The following VPS8 variants were observed in gnomAD, a reference collection of about 807,000 sequenced individuals.
VPS8 encodes the protein vacuolar protein sorting-associated protein 8 homolog.
A neutral mutation model predicts 216.4 loss-of-function variants in VPS8; 129 were observed. The observed-to-expected ratio is 0.60, with a 90% CI of 0.52 to 0.69. The LOEUF is 0.69. VPS8 is among the 30% of genes least tolerant of loss of function. VPS8 has a pLI of 0.00. For synonymous variants in VPS8, 571 were observed against 565.4 expected (o/e 1.01, Z -0.14); for missense variants, 1,531 against 1,683.5 (o/e 0.91, Z 1.59).
intron 22 of VPS8, among the ~76,000 whole-genome samples, chr3:184,889,752 C>G (rs1731996380): frequency 6.6e-6 from 1 of 152,100 alleles, no homozygotes; most frequent in African/African-American, 2.4e-5. Flanking sequence ...AACGCTCCCT[C>G]TTTTGTTCTA....
intron 1 of VPS8, chr3:184,824,274 A>C (rs941689052): frequency 5.1e-6 from 1 of 194,854 alleles, no homozygotes; most frequent in Non-Finnish European, 1.1e-5. Context: ...GGCTGAGCCT[A>C]TTAAGTTATC....
intron 7 of VPS8, among the ~76,000 whole-genome samples, chr3:184,842,568 A>G (rs112077925): frequency 0.016 from 2,415 of 152,304 alleles, 23 homozygotes; most frequent in Non-Finnish European, 0.024. Context: ...GTTTTATCAA[A>G]TGGATTAAAA....
chr3:184,907,957 A>G (rs1735787261), intron 25 of VPS8, among the ~76,000 whole-genome samples: 1 of 152,136 alleles, frequency 6.6e-6, no homozygotes, highest in Non-Finnish European at 1.5e-5. Flanking sequence ...CTTTATATGC[A>G]TACATCCTTT....
At chr3:184,878,123 T>G (rs1729600782) in intron 21 of VPS8, among the ~76,000 whole-genome samples, 1 of 152,162 alleles carries the variant, frequency 6.6e-6, no homozygotes. Context: ...ACCCTTTTTT[T>G]TTTTGAGATG....
intron 46 of VPS8, among the ~76,000 whole-genome samples, chr3:185,031,492 G>A (rs1380527969): frequency 1.3e-5 from 2 of 152,016 alleles, no homozygotes; most frequent in Non-Finnish European, 2.9e-5. Flanking sequence ...TTTTTGCATC[G>A]GCAGAGTTGA....
intron 24 of VPS8, among the ~76,000 whole-genome samples, chr3:184,900,203 T>C (rs1372006233): frequency 2.0e-5 from 3 of 152,214 alleles, no homozygotes; most frequent in Non-Finnish European, 4.4e-5. Context: ...AGGGAAAGGA[T>C]TGAAGGCTTT....
chr3:184,815,383 C>T (rs1416359605), intron 1 of VPS8, among the ~76,000 whole-genome samples: 1 of 152,198 alleles, frequency 6.6e-6, no homozygotes, highest in Non-Finnish European at 1.5e-5. Flanking sequence ...TTCATTACAA[C>T]AGCTGTGACA....
chr3:184,936,797 G>A (rs1163003567), intron 35 of VPS8, among the ~76,000 whole-genome samples: 1 of 151,454 alleles, frequency 6.6e-6, no homozygotes, highest in African/African-American at 2.4e-5. Flanking sequence ...GAGTGCAGTG[G>A]TGTGATCTCC....
At position 185,042,830 on chromosome 3, in the gene VPS8, C is replaced by CAGG. The variant is rs368416599; in HGVS notation, c.4057-5647_4057-5646insGAG. 7.5e-3 allele frequency among the ~76,000 whole-genome samples: 1,150 copies of CAGG among 152,318 alleles called. 15 individuals are homozygous for CAGG. The highest frequency in any genetic ancestry group is 0.026 in the African/African-American group (1,097 of 41,554). On this transcript the variant is annotated intron_variant, in intron 46 of 47. Coordinates refer to ENST00000625842, the MANE Select transcript of VPS8 (RefSeq NM_001009921.3). ...ATGAGATGATCAGCTTTTGTCACCA[C>CAGG]AGATTTTCCCCCAAGCTGTTGCCTT...
chr3:184,977,104 C>T (rs1434823053), intron 40 of VPS8, among the ~76,000 whole-genome samples: 3 of 152,154 alleles, frequency 2.0e-5, no homozygotes, highest in African/African-American at 7.2e-5. Flanking sequence ...GTTCCCTTTC[C>T]TCCGCAGCGT....
chr3:184,891,893 C>T (rs1470993426), intron 22 of VPS8, among the ~76,000 whole-genome samples: 2 of 152,050 alleles, frequency 1.3e-5, no homozygotes, highest in Admixed American at 6.5e-5. Context: ...TTTCTTATAA[C>T]CAAAGCAGCT....
chr3:185,050,194 C>G (rs573568127), intron 47 of VPS8, among the ~76,000 whole-genome samples: 1 of 149,734 alleles, frequency 6.7e-6, no homozygotes, highest in African/African-American at 2.5e-5. Context: ...TTGAGTTGAG[C>G]GTCTGTGGCT....
intron 15 of VPS8, among the ~76,000 whole-genome samples, chr3:184,861,054 C>T (rs909266038): frequency 6.6e-6 from 1 of 152,096 alleles, no homozygotes; most frequent in African/African-American, 2.4e-5. Flanking sequence ...AATCTCCTGA[C>T]CTCGTGATCT....
intron 46 of VPS8, among the ~76,000 whole-genome samples, chr3:185,035,102 TA>T (rs139576414): frequency 6.6e-6 from 1 of 151,894 alleles, no homozygotes; most frequent in Non-Finnish European, 1.5e-5. Flanking sequence ...GAATCAGTAA[TA>T]AAAAAACCCA....
intron 38 of VPS8, among the ~76,000 whole-genome samples, chr3:184,965,555 T>TATAG (rs1362666077): frequency 6.6e-6 from 1 of 152,202 alleles, no homozygotes; most frequent in African/African-American, 2.4e-5. Context: ...CTGTGTAATA[T>TATAG]ATAGGCAGGT....
Position 184,830,991 on chromosome 3 carries a change from T to C in VPS8, c.223-1698T>C, listed in dbSNP as rs1719867665. ...ATAGATATGGATGAGCTTACTCAAA[T>C]AGGAAGTCCATGAAGTAGGAAGAGA... On this transcript the variant is annotated intron_variant, in intron 3 of 47. Transcript: ENST00000625842. Among the ~76,000 whole-genome samples the C allele has an allele frequency of 2.0e-5, 3 of 152,258 alleles. No homozygotes were observed. In the South Asian group the frequency reaches 6.2e-4, roughly 32 times the overall value.
intron 46 of VPS8, 40 bp downstream of exon 46, chr3:185,024,429 T>C (rs752660188): frequency 1.9e-6 from 3 of 1,543,412 alleles, no homozygotes; most frequent in Non-Finnish European, 2.6e-6. Flanking sequence ...TTCTTCCTTC[T>C]GTATGTTTAT....
rs368968023 is a variant in VPS8 at position 184,935,640 on chromosome 3, A to G, written c.2899-606A>G. Among the ~76,000 whole-genome samples, 118 of 152,326 alleles carry G rather than the reference A, an allele frequency of 7.7e-4. 2 individuals carry two copies. The South Asian group carries it at 0.016, about 21-fold the overall frequency. On this transcript the variant is annotated intron_variant, in intron 34 of 47. Coordinates refer to ENST00000625842, the MANE Select transcript of VPS8 (RefSeq NM_001009921.3). ...ACCAAGTAAGAAGAGAGTTTTAAAAAGAAAAGGATAGTCAGTAGTGTCCAG... is the reference window on the plus strand; with the variant it reads ...ACCAAGTAAGAAGAGAGTTTTAAAAGGAAAAGGATAGTCAGTAGTGTCCAG...
Position 184,999,855 on chromosome 3 carries a change from A to G in VPS8, c.3996A>G (p.Pro1332=). The G allele has an allele frequency of 6.2e-7, 1 of 1,608,130 alleles. No homozygotes were observed. The highest frequency in any genetic ancestry group is 8.5e-7 in the Non-Finnish European group (1 of 1,177,720). The change falls in exon 45 of 48, where the codon CCA becomes CCG. Residue 1332 remains proline, a synonymous_variant. Coordinates refer to ENST00000625842, the MANE Select transcript of VPS8 (RefSeq NM_001009921.3). The part of the protein sequence containing the change: ...SSEIKKGRIT[P]SQVKMSPSYH... The stretch of plus-strand genomic sequence containing the variant: ...AAATTAAAAAGGGAAGGATAACCCC[A>G]TCACAGGTAAGACTTGTTTTCGTGG...
Sources: gnomAD v4.1 joint callset for allele counts (sites outside exome capture counted in the v4.1 genomes callset) on GRCh38, gnomAD v4.1.1 for gene constraint, MANE v1.5 for transcripts, NCBI Gene and HGNC (gene_info 2026-07-23, HGNC 2026-07-21) for gene names.